The following NAV2 variants were observed in gnomAD, a reference collection of about 807,000 sequenced individuals.
NAV2 encodes the protein neuron navigator 2, also known as helicase, APC down-regulated 1.
NAV2 carries 54 observed loss-of-function variants against 223.2 expected under a neutral mutation model. The ratio of observed to expected loss-of-function variants is 0.24; its 90% CI spans 0.19 to 0.30. NAV2 has a LOEUF of 0.30. NAV2 is among the 10% of genes least tolerant of loss of function. The pLI is 1.00. For missense variants in NAV2, 2,806 were observed against 3,147.5 expected (o/e 0.89, Z 2.60); for synonymous variants, 1,279 against 1,239.3 (o/e 1.03, Z -0.67).
At chr11:19,530,923 T>C (rs1447310264) in intron 1 of NAV2, among the ~76,000 whole-genome samples, 1 of 152,224 alleles carries the variant, frequency 6.6e-6, no homozygotes, top group Non-Finnish European at 1.5e-5. Flanking sequence ...GACTTCAAAG[T>C]CATTGCTCCC....
intron 7 of NAV2, among the ~76,000 whole-genome samples, chr11:19,934,774 C>A (rs1476692446): frequency 6.6e-6 from 1 of 151,964 alleles, no homozygotes; most frequent in Non-Finnish European, 1.5e-5. Context: ...AGTGCTGGGG[C>A]TTTCTGAAGG....
intron 1 of NAV2, among the ~76,000 whole-genome samples, chr11:19,500,135 A>G (rs1028565538): frequency 1.2e-4 from 18 of 152,200 alleles, no homozygotes; most frequent in Middle Eastern, 3.4e-3. Context: ...GTATTTTCGG[A>G]GATATGTCAT....
intron 1 of NAV2, among the ~76,000 whole-genome samples, chr11:19,394,815 GGGATTGA>G (rs1407395745): frequency 6.6e-6 from 1 of 152,130 alleles, no homozygotes; most frequent in Non-Finnish European, 1.5e-5. Flanking sequence ...AAATGTGGCG[GGGATTGA>G]GGCCTCATCA....
At chr11:19,718,262 G>A (rs980274576) in intron 1 of NAV2, among the ~76,000 whole-genome samples, 4 of 152,188 alleles carry the variant, frequency 2.6e-5, no homozygotes, top group African/African-American at 9.7e-5. Flanking sequence ...CTCTCTGGCT[G>A]ACCTTCAGAT....
chr11:19,588,414 C>G lies in NAV2; in HGVS notation c.75+237387C>G, dbSNP rs368216494. ...GCCCATAGCTGCAAAAATGACCCAG[C>G]TTGTGAGCCAACCCACTTGACAGTG... On this transcript the variant is annotated intron_variant, in intron 1 of 37. Transcript: ENST00000360655. 2.6e-5 allele frequency among the ~76,000 whole-genome samples: 4 copies of G among 152,312 alleles called. No individual in the cohort carries two copies. In the South Asian group the frequency reaches 8.3e-4, roughly 32 times the overall value.
At chr11:19,909,999 A>G (rs1394942194) in intron 6 of NAV2, among the ~76,000 whole-genome samples, 1 of 152,174 alleles carries the variant, frequency 6.6e-6, no homozygotes, top group Non-Finnish European at 1.5e-5. Context: ...AAATGGTAAC[A>G]GTCACTGCCC....
At chr11:19,611,985 C>G (rs1452984445) in intron 1 of NAV2, among the ~76,000 whole-genome samples, 1 of 152,256 alleles carries the variant, frequency 6.6e-6, no homozygotes, top group Non-Finnish European at 1.5e-5. Flanking sequence ...CCTAGACATC[C>G]AGGCATTTCC....
intron 1 of NAV2, among the ~76,000 whole-genome samples, chr11:19,647,766 G>T (rs2047858159): frequency 6.6e-6 from 1 of 152,212 alleles, no homozygotes; most frequent in African/African-American, 2.4e-5. Context: ...GTGGAAGCAG[G>T]AGAGAATAGG....
intron 1 of NAV2, among the ~76,000 whole-genome samples, chr11:19,403,067 C>G (rs1849753674): frequency 6.6e-6 from 1 of 152,154 alleles, no homozygotes; most frequent in Non-Finnish European, 1.5e-5. Flanking sequence ...TATTTAACCT[C>G]TCTGTGATTC....
chr11:19,774,221 G>C (rs771706926), intron 1 of NAV2, among the ~76,000 whole-genome samples: 12 of 152,188 alleles, frequency 7.9e-5, no homozygotes, highest in Middle Eastern at 3.2e-3. Flanking sequence ...CTGTTGCCCA[G>C]GCTGGAGTAC....
At chr11:19,843,723 A>G (rs760646021) in intron 3 of NAV2, among the ~76,000 whole-genome samples, 96 of 148,780 alleles carry the variant, frequency 6.5e-4, no homozygotes, top group Admixed American at 4.1e-4. Context: ...AAGGACAACT[A>G]TTTTTTGCTG....
chr11:19,849,483 C>T (rs867421550), intron 3 of NAV2, among the ~76,000 whole-genome samples: 1 of 152,174 alleles, frequency 6.6e-6, no homozygotes, highest in African/African-American at 2.4e-5. Flanking sequence ...GAATTGGCCT[C>T]GAAGAGCCCT....
intron 6 of NAV2, among the ~76,000 whole-genome samples, chr11:19,919,097 A>AT (rs1386910835): frequency 6.6e-6 from 1 of 152,168 alleles, no homozygotes. Flanking sequence ...CGTTGTGGTT[A>AT]TTTTAGGATT....
chr11:19,923,638 T>C (rs1276268844), intron 6 of NAV2, among the ~76,000 whole-genome samples: 22 of 152,192 alleles, frequency 1.4e-4, no homozygotes, highest in Non-Finnish European at 2.4e-4. Flanking sequence ...AAGGATGTAT[T>C]TACAATAGTG....
chr11:19,861,095 A>G (rs2061754321), intron 3 of NAV2, among the ~76,000 whole-genome samples: 3 of 107,116 alleles, frequency 2.8e-5, no homozygotes, highest in African/African-American at 4.5e-5. Flanking sequence ...TCTCTTAAAC[A>G]GATATTGGAG....
chr11:20,045,667 G>A lies in NAV2; in HGVS notation c.3899G>A (p.Arg1300His), dbSNP rs762708131. 4.0e-5 allele frequency: 65 copies of A among 1,610,854 alleles called. No individual in the cohort carries two copies. The East Asian group carries it at 1.1e-3, about 28-fold the overall frequency. Residue 1300 changes from arginine to histidine, a missense_variant, in exon 14 of 38, where the codon CGC (arginine) becomes CAC (histidine). Around this residue, in one of 4 missense-constraint regions of NAV2, gnomAD observed 742 missense variants for 777.9 expected, o/e 0.95. Coordinates refer to ENST00000349880, the MANE Select transcript of NAV2 (RefSeq NM_145117.5). ...CCAGATGTGGCCTCTCCCACACTCC[G>A]CAGGTAAGTGAGTACATAAATGGTG... Reference protein sequence around the residue: ...KYPDVASPTLRRLFGGKPTKQ... With the variant: ...KYPDVASPTLHRLFGGKPTKQ...
At chr11:19,513,823 G>A (rs894665440) in intron 1 of NAV2, among the ~76,000 whole-genome samples, 2 of 152,156 alleles carry the variant, frequency 1.3e-5, no homozygotes, top group African/African-American at 4.8e-5. Flanking sequence ...ACATGGGATG[G>A]GCAACTCTGT....
intron 1 of NAV2, among the ~76,000 whole-genome samples, chr11:19,555,898 G>C (rs1407095594): frequency 1.3e-5 from 2 of 150,376 alleles, no homozygotes; most frequent in Admixed American, 6.7e-5. Context: ...AGCAGAGCCT[G>C]ACTAGAGTTC....
Position 19,964,967 on chromosome 11 carries a change from G to A in NAV2, c.2645+15887G>A, listed in dbSNP as rs181117704. On this transcript the variant is annotated intron_variant, in intron 10 of 37. Coordinates refer to ENST00000349880, the MANE Select transcript of NAV2 (RefSeq NM_145117.5). ...CCTGAGTAGCTGGGATTACAGGTGCGTGCCACCACGCCTGGCTAATTTTGC... is the reference window on the plus strand; with the variant it reads ...CCTGAGTAGCTGGGATTACAGGTGCATGCCACCACGCCTGGCTAATTTTGC... Among the ~76,000 whole-genome samples, 1,339 of 151,822 alleles carry A rather than the reference G, an allele frequency of 8.8e-3. 12 individuals are homozygous for A. The highest frequency in any genetic ancestry group is 0.014 in the Middle Eastern group (4 of 294).
Sources: gnomAD v4.1 joint callset for allele counts (sites outside exome capture counted in the v4.1 genomes callset) on GRCh38, gnomAD v4.1.1 for gene constraint, gnomAD v4.1.1 regional missense constraint, MANE v1.5 for transcripts, NCBI Gene and HGNC (gene_info 2026-07-23, HGNC 2026-07-21) for gene names.